The following GKAP1 variants were observed in gnomAD, a reference collection of about 807,000 sequenced individuals.
The protein encoded by GKAP1 is G kinase anchoring protein 1.
A neutral mutation model predicts 56.7 loss-of-function variants in GKAP1; 31 were observed. The ratio of observed to expected loss-of-function variants is 0.55; its 90% CI spans 0.41 to 0.74. The LOEUF (loss-of-function observed/expected upper bound fraction) is 0.74. Among genes scored for constraint, GKAP1 ranks in the 30% least tolerant of loss-of-function variants. GKAP1 has a pLI of 0.00. For synonymous variants in GKAP1, 151 were observed against 138.6 expected (o/e 1.09, Z -0.63); for missense variants, 364 against 402.3 (o/e 0.90, Z 0.82).
At position 83,753,005 on chromosome 9, in the gene GKAP1, A is replaced by T. The variant is rs374598391; in HGVS notation, c.840+253T>A. 2.7e-4 allele frequency among the ~76,000 whole-genome samples: 41 copies of T among 152,162 alleles called. No homozygotes were observed. The South Asian group carries it at 8.3e-3, about 31-fold the overall frequency. On this transcript the variant is annotated intron_variant, in intron 9 of 12. Transcript: ENST00000376371. ...TTGAACCCAGGCGGAGGTTGCACCG[A>T]GCTGAGATCACTCCATTGCACTCCA...
At chr9:83,783,677 T>G (rs1002191115) in intron 6 of GKAP1, among the ~76,000 whole-genome samples, 6 of 152,336 alleles carry the variant, frequency 3.9e-5, no homozygotes, top group Admixed American at 3.9e-4. Context: ...CAGTTCCAGA[T>G]AACTTGAAGA....
intron 8 of GKAP1, 119 bp downstream of exon 8, chr9:83,768,699 C>G: frequency 2.4e-6 from 2 of 820,888 alleles, no homozygotes; most frequent in South Asian, 3.2e-5. Flanking sequence ...TTACTAAGAT[C>G]ATATCCTAAA....
intron 5 of GKAP1, among the ~76,000 whole-genome samples, chr9:83,787,682 A>C (rs1446583349): frequency 2.0e-5 from 3 of 152,226 alleles, no homozygotes; most frequent in African/African-American, 4.8e-5. Flanking sequence ...TACGGAATAA[A>C]ATGTTAAATG....
At chr9:83,758,639 C>T (rs1943516344) in intron 8 of GKAP1, among the ~76,000 whole-genome samples, 1 of 151,598 alleles carries the variant, frequency 6.6e-6, no homozygotes, top group Non-Finnish European at 1.5e-5. Flanking sequence ...ATCCCAGCTA[C>T]TTGGGAGGCT....
chr9:83,775,848 C>T (rs1003384668), intron 7 of GKAP1, among the ~76,000 whole-genome samples: 2 of 124,512 alleles, frequency 1.6e-5, no homozygotes, highest in African/African-American at 6.5e-5. Flanking sequence ...ACACTCCAGC[C>T]AGGAGGACAC....
chr9:83,786,012 T>C (rs557038674), intron 5 of GKAP1, among the ~76,000 whole-genome samples: 22 of 152,176 alleles, frequency 1.4e-4, no homozygotes, highest in Non-Finnish European at 3.1e-4. Flanking sequence ...GAATGCCTAC[T>C]TTCCTCTTGT....
intron 8 of GKAP1, among the ~76,000 whole-genome samples, chr9:83,756,125 T>A (rs562181785): frequency 1.0e-4 from 15 of 150,728 alleles, no homozygotes; most frequent in South Asian, 4.2e-4. Flanking sequence ...ATTAAAAAAA[T>A]TTTTTTTTCT....
At chr9:83,796,148 T>A (rs1467812441) in intron 4 of GKAP1, among the ~76,000 whole-genome samples, 1 of 151,906 alleles carries the variant, frequency 6.6e-6, no homozygotes, top group Admixed American at 6.6e-5. Flanking sequence ...CCCAGGCCAG[T>A]CTCAAACTCC....
At chr9:83,788,211 G>C (rs968800273) in intron 5 of GKAP1, among the ~76,000 whole-genome samples, 8 of 152,172 alleles carry the variant, frequency 5.3e-5, no homozygotes, top group Admixed American at 3.3e-4. Context: ...CTGGGAGGCG[G>C]AGGTTGCAGT....
chr9:83,773,659 A>T (rs527354870), intron 7 of GKAP1, among the ~76,000 whole-genome samples: 3 of 152,304 alleles, frequency 2.0e-5, no homozygotes, highest in African/African-American at 7.2e-5. Flanking sequence ...CCATTACCTC[A>T]ACTTAGTGTT....
intron 6 of GKAP1, among the ~76,000 whole-genome samples, chr9:83,782,963 C>G (rs1944002521): frequency 6.6e-6 from 1 of 152,166 alleles, no homozygotes; most frequent in Non-Finnish European, 1.5e-5. Context: ...AGCCACCACG[C>G]CCGACCAAAA....
At chr9:83,771,430 G>T (rs1386569486) in intron 7 of GKAP1, among the ~76,000 whole-genome samples, 1 of 152,068 alleles carries the variant, frequency 6.6e-6, no homozygotes, top group African/African-American at 2.4e-5. Flanking sequence ...GTGGGCAAAC[G>T]ACCCCAAGGT....
At chr9:83,748,862 T>A (rs1452790596) in intron 9 of GKAP1, 1 of 152,356 alleles carries the variant, frequency 6.6e-6, no homozygotes, top group Non-Finnish European at 1.5e-5. Context: ...ATTTTTAATT[T>A]TAAACTTTAA....
At chr9:83,798,220 G>A (rs1443883667) in intron 4 of GKAP1, among the ~76,000 whole-genome samples, 1 of 152,196 alleles carries the variant, frequency 6.6e-6, no homozygotes, top group East Asian at 1.9e-4. Context: ...ACATCTGCTA[G>A]AATGATACTT....
chr9:83,811,883 TA>T (rs890797040), intron 2 of GKAP1, among the ~76,000 whole-genome samples: 37 of 146,728 alleles, frequency 2.5e-4, no homozygotes, highest in Non-Finnish European at 2.1e-4. Context: ...ATGCTATACT[TA>T]AAAAAAAAAA....
At chr9:83,754,939 T>G (rs1943449569) in intron 8 of GKAP1, among the ~76,000 whole-genome samples, 1 of 152,190 alleles carries the variant, frequency 6.6e-6, no homozygotes. Context: ...TCAAATAAGA[T>G]TATGCTTTGG....
chr9:83,758,776 T>C (rs1428085600), intron 8 of GKAP1, among the ~76,000 whole-genome samples: 2 of 151,446 alleles, frequency 1.3e-5, no homozygotes, highest in Admixed American at 6.6e-5. Flanking sequence ...ACAGACAGAC[T>C]TAGGGTTGAT....
chr9:83,758,753 A>AG (rs1206072906), intron 8 of GKAP1, among the ~76,000 whole-genome samples: 1 of 152,070 alleles, frequency 6.6e-6, no homozygotes, highest in East Asian at 1.9e-4. Context: ...CCAAAAAAAA[A>AG]AAAAACTGAA....
chr9:83,772,375 T>G (rs1238364346), intron 7 of GKAP1, among the ~76,000 whole-genome samples: 1 of 152,142 alleles, frequency 6.6e-6, no homozygotes, highest in East Asian at 1.9e-4. Flanking sequence ...CTGGGAGAAG[T>G]GTCTATGCAT....
Sources: allele counts gnomAD v4.1 joint callset (sites outside exome capture counted in the v4.1 genomes callset), GRCh38; gene constraint gnomAD v4.1.1; transcripts MANE v1.5; gene names NCBI Gene and HGNC (gene_info 2026-07-23, HGNC 2026-07-21).